The following EDDM13 variants were observed in gnomAD, a reference collection of about 807,000 sequenced individuals.
EDDM13 encodes the protein epididymal protein 13.
EDDM13 carries 24 observed loss-of-function variants against 17.8 expected under a neutral mutation model. That is an observed-to-expected ratio of 1.35 (90% CI 0.98 to 1.90). The LOEUF (loss-of-function observed/expected upper bound fraction) is 1.90. Among genes scored for constraint, EDDM13 ranks in the 40% most tolerant of loss-of-function variants. The pLI, the probability that EDDM13 is intolerant of heterozygous loss-of-function variation, is 0.00. For synonymous variants in EDDM13, 31 were observed against 37.5 expected, an observed-to-expected ratio of 0.83 and a Z score of 0.63; for missense variants, 97 against 100.8, an observed-to-expected ratio of 0.96 and a Z score of 0.16.
At chr19:56,288,620 C>G (rs1288588329) in intron 7 of EDDM13, among the ~76,000 whole-genome samples, 182 bp downstream of exon 7, 5 of 152,198 alleles carry the variant, frequency 3.3e-5, no homozygotes, top group African/African-American at 1.2e-4. Context: ...CCATACCTTG[C>G]GTGATGCCCA....
chr19:56,295,096 G>A (rs2039776760), intron 9 of EDDM13: 1 of 152,198 alleles, frequency 6.6e-6, no homozygotes, highest in South Asian at 2.1e-4. Context: ...ATTGTTTGTG[G>A]TGATGGATGC....
In EDDM13 at chr19:56,302,060, A is replaced by G. The variant is rs139969841; in HGVS notation, c.388A>G (p.Thr130Ala). 4.1e-6 allele frequency: 5 copies of G among 1,231,716 alleles called. No homozygotes were observed. The African/African-American group carries it at 4.7e-5, about 11-fold the overall frequency. The allele number at this position is 1,231,716 out of a possible 1,614,324, so 76.3% of individuals were successfully genotyped here. Residue 130 changes from threonine (T) to alanine (A), a missense_variant, in exon 13 of 15, where the codon ACC (threonine) becomes GCC (alanine). Physicochemically the swap from Thr to Ala is moderately conservative, Grantham distance 58 (BLOSUM62 0). Coordinates refer to ENST00000649256, the MANE Select transcript of EDDM13 (RefSeq NM_001354658.2). ...CCTGAAATGCGCCTACATGGTGATG[A>G]CCTACCTCTTCGTATCCTACAACAA... ...NFLKCAYMVM[T>A]YLFVSYNKGD...
chr19:56,297,472 GCTT>G (rs1365761150), intron 11 of EDDM13, 30 bp from the exon 12 acceptor site: 1 of 950,956 alleles, frequency 1.1e-6, no homozygotes, highest in East Asian at 1.2e-4. Flanking sequence ...TTCTCTTCCT[GCTT>G]CTTTTTCTCC....
chr19:56,289,270 T>C (rs1403846320), intron 8 of EDDM13, among the ~76,000 whole-genome samples: 1 of 152,204 alleles, frequency 6.6e-6, no homozygotes, highest in East Asian at 1.9e-4. Context: ...TCACTAAGTG[T>C]AAGCTATGTC....
intron 8 of EDDM13, among the ~76,000 whole-genome samples, chr19:56,290,305 C>A (rs1401975792): frequency 6.6e-6 from 1 of 152,206 alleles, no homozygotes; most frequent in Non-Finnish European, 1.5e-5. Flanking sequence ...CACAATCACA[C>A]CCATTCATTT....
chr19:56,298,855 TA>T (rs1355190746), intron 12 of EDDM13, among the ~76,000 whole-genome samples: 1 of 152,162 alleles, frequency 6.6e-6, no homozygotes, highest in African/African-American at 2.4e-5. Flanking sequence ...TAGGACAGAA[TA>T]ACCTTGATAA....
At chr19:56,284,805 G>C (rs1038176025) in intron 5 of EDDM13, among the ~76,000 whole-genome samples, 193 bp from the exon 6 acceptor site, 1 of 152,124 alleles carries the variant, frequency 6.6e-6, no homozygotes, top group Non-Finnish European at 1.5e-5. Flanking sequence ...GAGCCACTGC[G>C]CCTGGCCTTG....
At chr19:56,302,142 A>G in intron 13 of EDDM13, 47 bp downstream of exon 13, 1 of 1,219,120 alleles carries the variant, frequency 8.2e-7, no homozygotes, top group Non-Finnish European at 1.0e-6. Flanking sequence ...GAGAGGAAGG[A>G]AAGAGGAGGG....
intron 13 of EDDM13, among the ~76,000 whole-genome samples, chr19:56,302,609 CT>C (rs1157702240): frequency 1.1e-5 from 1 of 95,216 alleles, no homozygotes; most frequent in Non-Finnish European, 2.2e-5. Flanking sequence ...TCTTCTTCCT[CT>C]CCCTCTTCCT....
intron 6 of EDDM13, among the ~76,000 whole-genome samples, chr19:56,286,861 T>C (rs7248792): frequency 0.91 from 138,022 of 152,322 alleles, 63,106 homozygotes; most frequent in Middle Eastern, 0.94. Flanking sequence ...CGAATGCTAG[T>C]GGGGCTTCCC....
intron 1 of EDDM13, 125 bp downstream of exon 1, chr19:56,273,044 C>T (rs564404523): frequency 7.5e-4 from 180 of 240,786 alleles, no homozygotes; most frequent in African/African-American, 3.9e-3. Flanking sequence ...CCCATTTAGA[C>T]ATTCACATTT....
At position 56,285,092 on chromosome 19, in the gene EDDM13, G is replaced by C. The variant is rs192430415; in HGVS notation, c.154+68G>C. 43 of 825,752 alleles carry C rather than the reference G, an allele frequency of 5.2e-5. No individual in the cohort carries two copies. The East Asian group carries it at 1.9e-3, about 36-fold the overall frequency. 51.2% of individuals were successfully genotyped at this position (825,752 alleles called of 1,614,324 possible). On this transcript the variant is annotated intron_variant, in intron 6 of 14. Transcript: ENST00000649256. ...GTCCGCAAGGTAATGTAGACTTATT[G>C]AGTCATTTATGCTTTTAGGTAGAGT...
At chr19:56,281,238 G>A (rs1173858696) in intron 2 of EDDM13, among the ~76,000 whole-genome samples, 1 of 152,102 alleles carries the variant, frequency 6.6e-6, no homozygotes, top group Non-Finnish European at 1.5e-5. Flanking sequence ...CCAGAAGAAG[G>A]AAGGGGAGGG....
At chr19:56,300,726 C>T (rs868212261) in intron 12 of EDDM13, among the ~76,000 whole-genome samples, 10 of 151,582 alleles carry the variant, frequency 6.6e-5, no homozygotes, top group Admixed American at 2.0e-4. Flanking sequence ...TTTTCGTTTT[C>T]GATTTGCATT....
At chr19:56,301,647 C>G (rs73937230) in intron 12 of EDDM13, among the ~76,000 whole-genome samples, 5,574 of 152,158 alleles carry the variant, frequency 0.037, 361 homozygotes, top group African/African-American at 0.13. Flanking sequence ...TTTTACCCAG[C>G]CCCTATTCAA....
chr19:56,300,975 G>A (rs2040188916), intron 12 of EDDM13, among the ~76,000 whole-genome samples: 2 of 152,180 alleles, frequency 1.3e-5, no homozygotes, highest in African/African-American at 4.8e-5. Flanking sequence ...GGAGATGGAT[G>A]AGAAAGAGAA....
intron 13 of EDDM13, 62 bp downstream of exon 13, chr19:56,302,157 G>T: frequency 8.4e-7 from 1 of 1,189,800 alleles, no homozygotes; most frequent in South Asian, 4.3e-5. Context: ...GGAGGGAAGT[G>T]GGGGCACAGA....
intron 14 of EDDM13, among the ~76,000 whole-genome samples, chr19:56,307,595 G>C (rs2040777646): frequency 1.3e-5 from 2 of 152,134 alleles, no homozygotes; most frequent in African/African-American, 4.8e-5. Context: ...GTATCTTGCA[G>C]TGTTTCCTTT....
rs113832320 is a variant in EDDM13 at position 56,309,796 on chromosome 19, C to G, written c.462-328C>G. Among the ~76,000 whole-genome samples the G allele has an allele frequency of 4.6e-3, 700 of 152,306 alleles. 3 individuals carry two copies. The highest frequency in any genetic ancestry group is 0.032 in the East Asian group (165 of 5,166). ...GGCCCGGCGCCGGGACAGTGAGGAA[C>G]TGGAGGGGGCGCTGCTTCCCACTGG... On this transcript the variant is annotated intron_variant, in intron 14 of 14. Coordinates refer to ENST00000649256, the MANE Select transcript of EDDM13 (RefSeq NM_001354658.2).
Sources: gnomAD v4.1 joint callset for allele counts (sites outside exome capture counted in the v4.1 genomes callset) on GRCh38, gnomAD v4.1.1 for gene constraint, MANE v1.5 for transcripts, NCBI Gene and HGNC (gene_info 2026-07-23, HGNC 2026-07-21) for gene names.